Variants in MAF observed in about 807,000 individuals in gnomAD.
The protein encoded by MAF is MAF bZIP transcription factor, also known as transcription factor Maf.
A neutral mutation model predicts 22.0 loss-of-function variants in MAF; 10 were observed. The observed-to-expected ratio is 0.45, with a 90% CI of 0.28 to 0.77. The LOEUF (loss-of-function observed/expected upper bound fraction) is 0.77, where lower values mean the gene tolerates loss of function less well. Among genes scored for constraint, MAF ranks in the 30% least tolerant of loss-of-function variants. The pLI, the probability that MAF is intolerant of heterozygous loss-of-function variation, is 0.12. For missense variants in MAF, 544 were observed against 548.4 expected (o/e 0.99, Z 0.08); for synonymous variants, 337 against 255.8 (o/e 1.32, Z -3.03).
chr16:79,460,301 C>T, the MAF span, among the ~76,000 whole-genome samples: 1 of 152,130 alleles, frequency 6.6e-6, no homozygotes, highest in Non-Finnish European at 1.5e-5. Context: ...TGTAAAAGAT[C>T]TCATGTACGT....
the MAF span, among the ~76,000 whole-genome samples, chr16:79,572,373 C>T: frequency 6.6e-6 from 1 of 152,240 alleles, no homozygotes; most frequent in Admixed American, 6.5e-5. Context: ...CCCTTTCTTC[C>T]CCCAACACTT....
the MAF span, among the ~76,000 whole-genome samples, chr16:79,340,796 T>G: frequency 6.6e-6 from 1 of 152,114 alleles, no homozygotes; most frequent in Admixed American, 6.5e-5. Context: ...TCTTCAGGCA[T>G]TGCTAGATGT....
chr16:79,289,867 T>TTTTTTTTTTTTCTTTTTTTTTTTTC, the MAF span, among the ~76,000 whole-genome samples: 1 of 118,510 alleles, frequency 8.4e-6, no homozygotes. Flanking sequence ...TTTTTTTTTT[T>TTTTTTTTTTTTCTTTTTTTTTTTTC]TGTGAGACGG....
the MAF span, among the ~76,000 whole-genome samples, chr16:79,254,165 T>C: frequency 0.03 from 4,570 of 152,034 alleles, 256 homozygotes; most frequent in African/African-American, 0.1. Flanking sequence ...AAGAGAAAAA[T>C]AATCAAGCAT....
chr16:79,236,395 G>A, the MAF span, among the ~76,000 whole-genome samples: 1 of 151,966 alleles, frequency 6.6e-6, no homozygotes, highest in Non-Finnish European at 1.5e-5. Flanking sequence ...CATCCTGGGG[G>A]AAGTTTTCCA....
intron 1 of MAF, chr16:79,596,168 C>T (rs1377063161): frequency 2.8e-6 from 3 of 1,062,674 alleles, no homozygotes; most frequent in Admixed American, 1.1e-4. Flanking sequence ...AGTGTAGGGC[C>T]ATGCTCAGGA....
the MAF span, among the ~76,000 whole-genome samples, chr16:79,506,771 A>G: frequency 6.6e-6 from 1 of 152,204 alleles, no homozygotes; most frequent in African/African-American, 2.4e-5. Context: ...AGAACCAATG[A>G]TGCTGCCACT....
chr16:79,400,921 G>A, the MAF span, among the ~76,000 whole-genome samples: 1 of 152,252 alleles, frequency 6.6e-6, no homozygotes, highest in African/African-American at 2.4e-5. Flanking sequence ...AGTCTGAGCA[G>A]CTGATCTGCC....
the MAF span, among the ~76,000 whole-genome samples, chr16:79,377,660 G>A: frequency 6.6e-6 from 1 of 152,126 alleles, no homozygotes; most frequent in Non-Finnish European, 1.5e-5. Context: ...TATGGTTTTA[G>A]GTCTAACATG....
the MAF span, among the ~76,000 whole-genome samples, chr16:79,527,439 G>A: frequency 3.3e-5 from 5 of 152,132 alleles, no homozygotes; most frequent in Non-Finnish European, 4.4e-5. Flanking sequence ...CTTCCTGTGG[G>A]CCCAGAGGAT....
chr16:79,479,566 G>A, the MAF span, among the ~76,000 whole-genome samples: 6 of 152,292 alleles, frequency 3.9e-5, no homozygotes, highest in East Asian at 1.9e-4. Flanking sequence ...TGCTGACAGC[G>A]GGAATCCTTC....
the MAF span, among the ~76,000 whole-genome samples, chr16:79,414,181 A>G: frequency 6.6e-6 from 1 of 152,178 alleles, no homozygotes; most frequent in Non-Finnish European, 1.5e-5. Flanking sequence ...CAAGTGTGAG[A>G]GTGTCTTGGT....
the MAF span, among the ~76,000 whole-genome samples, chr16:79,563,764 A>ACACACACAC: frequency 1.5e-4 from 19 of 123,670 alleles, no homozygotes; most frequent in African/African-American, 5.3e-4. Flanking sequence ...CACACACACA[A>ACACACACAC]ACACACACAC....
the MAF span, among the ~76,000 whole-genome samples, chr16:79,294,602 T>G: frequency 6.6e-6 from 1 of 152,214 alleles, no homozygotes; most frequent in Admixed American, 6.5e-5. Flanking sequence ...GGAAGTAGTA[T>G]CTTATTTGAT....
chr16:79,205,949 A>G, the MAF span: 1 of 152,106 alleles, frequency 6.6e-6, no homozygotes, highest in African/African-American at 2.4e-5. Context: ...AAAAAATTCT[A>G]TCATCAAAGA....
chr16:79,594,845 G>A, intron 1 of MAF: 4 of 1,228,356 alleles, frequency 3.3e-6, no homozygotes, highest in Admixed American at 3.9e-5. Flanking sequence ...ATTTTTGCCA[G>A]CACCTTTGCA....
chr16:79,371,673 C>G, the MAF span, among the ~76,000 whole-genome samples: 107 of 152,250 alleles, frequency 7.0e-4, 1 homozygote, highest in African/African-American at 2.5e-3. Flanking sequence ...TGGTTAGTTC[C>G]TCCTCATCAT....
chr16:79,556,424 G>A, the MAF span, among the ~76,000 whole-genome samples: 2 of 152,318 alleles, frequency 1.3e-5, no homozygotes, highest in East Asian at 1.9e-4. Flanking sequence ...TAGAAAGAGA[G>A]TTGTATTGGG....
At chr16:79,229,381 T>C in the MAF span, 1 of 151,806 alleles carries the variant, frequency 6.6e-6, no homozygotes, top group Non-Finnish European at 1.5e-5. Context: ...GTCTCTTTGA[T>C]GGTCTTTTAA....
Sources: allele counts gnomAD v4.1 joint callset (sites outside exome capture counted in the v4.1 genomes callset), GRCh38; gene constraint gnomAD v4.1.1; transcripts MANE v1.5; gene names NCBI Gene and HGNC (gene_info 2026-07-23, HGNC 2026-07-21).